COL26A1: variants seen among roughly 807,000 people sequenced by gnomAD.
COL26A1 encodes the protein collagen type XXVI alpha 1 chain.
In COL26A1, 41 loss-of-function variants were observed where a neutral mutation model predicts 59.3. The observed-to-expected ratio is 0.69, with a 90% CI of 0.54 to 0.90. The LOEUF is 0.90. Ranked by LOEUF, COL26A1 falls within the 40% of genes least tolerant of loss-of-function variation. COL26A1 has a pLI of 0.00. For missense variants in COL26A1, 612 were observed against 602.3 expected, an observed-to-expected ratio of 1.02 and a Z score of -0.17; for synonymous variants, 266 against 256.0, an observed-to-expected ratio of 1.04 and a Z score of -0.37.
At chr7:101,511,032 C>G (rs1184194757) in intron 3 of COL26A1, among the ~76,000 whole-genome samples, 2 of 151,778 alleles carry the variant, frequency 1.3e-5, no homozygotes, top group African/African-American at 4.8e-5. Flanking sequence ...TCCCGAGTAG[C>G]TGGGACTACA....
At chr7:101,393,415 G>A (rs1397542885) in intron 1 of COL26A1, among the ~76,000 whole-genome samples, 1 of 152,130 alleles carries the variant, frequency 6.6e-6, no homozygotes, top group Non-Finnish European at 1.5e-5. Context: ...GAAAGATGTG[G>A]GCTGGGAGGC....
chr7:101,549,792 C>T (rs1209384369), intron 9 of COL26A1, among the ~76,000 whole-genome samples: 2 of 152,112 alleles, frequency 1.3e-5, no homozygotes, highest in African/African-American at 2.4e-5. Flanking sequence ...TAACTGAGTC[C>T]CAGAGAGACC....
chr7:101,504,843 CTGTG>C (rs981631195), intron 3 of COL26A1, among the ~76,000 whole-genome samples: 20 of 151,434 alleles, frequency 1.3e-4, no homozygotes, highest in African/African-American at 4.4e-4. Context: ...GTGTGTATGC[CTGTG>C]TGTGTCTGTG....
chr7:101,521,773 T>C (rs747701332), intron 3 of COL26A1, among the ~76,000 whole-genome samples: 1 of 152,154 alleles, frequency 6.6e-6, no homozygotes, highest in African/African-American at 2.4e-5. Context: ...TCTTCTTGCC[T>C]CTTTCAACTG....
At chr7:101,553,296 C>A (rs755396298) in intron 10 of COL26A1, 30 bp from the exon 11 acceptor site, 6 of 1,609,838 alleles carry the variant, frequency 3.7e-6, no homozygotes, top group Non-Finnish European at 5.1e-6. Context: ...ACCTCCCGTT[C>A]CAGTGTTGAC....
intron 1 of COL26A1, among the ~76,000 whole-genome samples, chr7:101,376,693 T>C (rs1791327069): frequency 6.6e-6 from 1 of 151,836 alleles, no homozygotes; most frequent in South Asian, 2.1e-4. Context: ...AAGACCAGAG[T>C]GAGGGGTGTG....
At chr7:101,544,979 A>G (rs997711381) in intron 6 of COL26A1, among the ~76,000 whole-genome samples, 2 of 152,132 alleles carry the variant, frequency 1.3e-5, no homozygotes, top group African/African-American at 4.8e-5. Flanking sequence ...CTGGTTCAGC[A>G]GGTACAGGGC....
chr7:101,530,370 A>G (rs1426883705), intron 3 of COL26A1, among the ~76,000 whole-genome samples: 1 of 151,644 alleles, frequency 6.6e-6, no homozygotes, highest in Non-Finnish European at 1.5e-5. Context: ...GAAGTTCGAG[A>G]CCAGCCTGGG....
intron 3 of COL26A1, among the ~76,000 whole-genome samples, chr7:101,485,544 C>T (rs1794249934): frequency 6.6e-6 from 1 of 152,150 alleles, no homozygotes; most frequent in African/African-American, 2.4e-5. Flanking sequence ...CTCTGTGCCC[C>T]CAGTAGCTTG....
At chr7:101,366,550 G>C (rs984793143) in intron 1 of COL26A1, among the ~76,000 whole-genome samples, 3 of 133,926 alleles carry the variant, frequency 2.2e-5, no homozygotes, top group Non-Finnish European at 4.6e-5. Flanking sequence ...ACCCAGGCAG[G>C]AGCGTAATGG....
Position 101,526,158 on chromosome 7 carries a change from C to T in COL26A1, c.386-6924C>T, listed in dbSNP as rs1271831209. Among the ~76,000 whole-genome samples, 6 of 152,054 alleles carry T rather than the reference C, an allele frequency of 3.9e-5. No homozygotes were observed. The East Asian group carries it at 1.2e-3, about 29-fold the overall frequency. On this transcript the variant is annotated intron_variant, in intron 3 of 12. Transcript: ENST00000313669. ...CCGCCTCCTGGGTTCAAGCGATTCTCCTGCTTCAGCCTCCCGAGTAGTTGG... is the reference window on the plus strand; with the variant it reads ...CCGCCTCCTGGGTTCAAGCGATTCTTCTGCTTCAGCCTCCCGAGTAGTTGG...
intron 1 of COL26A1, among the ~76,000 whole-genome samples, chr7:101,388,428 G>A (rs985279741): frequency 4.6e-5 from 7 of 151,692 alleles, no homozygotes; most frequent in East Asian, 2.0e-4. Context: ...AGCCGAGATC[G>A]CGCCATTACA....
intron 1 of COL26A1, among the ~76,000 whole-genome samples, chr7:101,363,691 C>T (rs1790967196): frequency 6.6e-6 from 1 of 151,818 alleles, no homozygotes; most frequent in Admixed American, 6.6e-5. Flanking sequence ...CCGCGCCCAC[C>T]CTGTCCCTTC....
chr7:101,445,127 C>T (rs576874892), intron 2 of COL26A1, among the ~76,000 whole-genome samples: 30 of 152,050 alleles, frequency 2.0e-4, no homozygotes, highest in Non-Finnish European at 4.3e-4. Flanking sequence ...AGGCGTGAGC[C>T]ACCATGCCTG....
chr7:101,543,890 G>A (rs1315955246), intron 5 of COL26A1, 108 bp from the exon 6 acceptor site: 3 of 699,840 alleles, frequency 4.3e-6, no homozygotes, highest in African/African-American at 1.8e-5. Context: ...TCCCAGGTAG[G>A]CAGGGCTCCT....
At chr7:101,379,255 C>T (rs997367403) in intron 1 of COL26A1, among the ~76,000 whole-genome samples, 2 of 152,236 alleles carry the variant, frequency 1.3e-5, no homozygotes, top group East Asian at 3.9e-4. Context: ...CAGCCTCTTC[C>T]CATCTTTTGT....
intron 3 of COL26A1, among the ~76,000 whole-genome samples, chr7:101,507,001 G>C (rs963174750): frequency 6.6e-6 from 1 of 150,934 alleles, no homozygotes; most frequent in Non-Finnish European, 1.5e-5. Context: ...CGCAACCTCC[G>C]CCTCCCGGGT....
intron 1 of COL26A1, among the ~76,000 whole-genome samples, chr7:101,403,822 A>C (rs1472731932): frequency 1.3e-5 from 2 of 152,166 alleles, no homozygotes; most frequent in African/African-American, 4.8e-5. Flanking sequence ...CAGGCCGGGC[A>C]CGGTGGCTCA....
chr7:101,375,972 T>C (rs12532346), intron 1 of COL26A1, among the ~76,000 whole-genome samples: 60,039 of 129,460 alleles, frequency 0.46, 14,309 homozygotes, highest in Admixed American at 0.61. Context: ...GGCGAAAGAG[T>C]GAGACTCCAT....
Sources: allele counts gnomAD v4.1 joint callset (sites outside exome capture counted in the v4.1 genomes callset), GRCh38; gene constraint gnomAD v4.1.1; transcripts MANE v1.5; gene names NCBI Gene and HGNC (gene_info 2026-07-23, HGNC 2026-07-21).